The following LIMA1 variants were observed in gnomAD, a reference collection of about 807,000 sequenced individuals.
LIMA1 encodes the protein LIM domain and actin-binding protein 1.
LIMA1 carries 52 observed loss-of-function variants against 62.6 expected under a neutral mutation model. That is an observed-to-expected ratio of 0.83 (90% CI 0.67 to 1.05). The LOEUF (loss-of-function observed/expected upper bound fraction) is 1.05. Among genes scored for constraint, LIMA1 ranks in the 50% least tolerant of loss-of-function variants. LIMA1 has a pLI of 0.00. For synonymous variants in LIMA1, 302 were observed against 317.8 expected, an observed-to-expected ratio of 0.95 and a Z score of 0.53; for missense variants, 780 against 902.2, an observed-to-expected ratio of 0.86 and a Z score of 1.74.
chr12:50,262,960 T>C (rs1942090000), intron 1 of LIMA1, among the ~76,000 whole-genome samples: 1 of 152,260 alleles, frequency 6.6e-6, no homozygotes, highest in African/African-American at 2.4e-5. Flanking sequence ...ATGGCTGCTC[T>C]TTAAAAGTAC....
chr12:50,195,976 A>C (rs1940922495), intron 7 of LIMA1, 89 bp from the exon 8 acceptor site: 1 of 1,342,098 alleles, frequency 7.5e-7, no homozygotes, highest in African/African-American at 1.5e-5. Context: ...TGCCATAAAA[A>C]CCTGCTGACT....
chr12:50,178,966 A>ATTTTTT (rs1555203081), intron 10 of LIMA1, among the ~76,000 whole-genome samples: 13,639 of 128,624 alleles, frequency 0.11, 835 homozygotes, highest in East Asian at 0.27. Flanking sequence ...ATATATATAT[A>ATTTTTT]TTTTTTTTTT....
At chr12:50,258,539 C>G (rs1942026700) in intron 1 of LIMA1, among the ~76,000 whole-genome samples, 2 of 151,962 alleles carry the variant, frequency 1.3e-5, no homozygotes, top group Non-Finnish European at 2.9e-5. Flanking sequence ...CTAAGTGATC[C>G]TCACGCCTCA....
At chr12:50,224,132 A>G (rs1420195100) in intron 3 of LIMA1, 2 of 152,166 alleles carry the variant, frequency 1.3e-5, no homozygotes, top group East Asian at 1.9e-4. Context: ...TTCCCAACAA[A>G]CTGCAAACTC....
chr12:50,265,317 T>C (rs996323889), intron 1 of LIMA1, among the ~76,000 whole-genome samples: 4 of 152,040 alleles, frequency 2.6e-5, no homozygotes, highest in African/African-American at 7.2e-5. Context: ...GGTCAGGAGT[T>C]CGAGACCAGT....
At chr12:50,261,441 T>C (rs1225606284) in intron 1 of LIMA1, among the ~76,000 whole-genome samples, 1 of 152,086 alleles carries the variant, frequency 6.6e-6, no homozygotes, top group Non-Finnish European at 1.5e-5. Context: ...CTCACATCTT[T>C]AGGTATGCTC....
chr12:50,241,250 T>C lies in LIMA1; in HGVS notation c.119+7383A>G, dbSNP rs539238328. On this transcript the variant is annotated intron_variant, in intron 2 of 10. Coordinates refer to ENST00000341247, the MANE Select transcript of LIMA1 (RefSeq NM_016357.5). ...GAGAATTCAGGGATACAGTGGATTGTAGCTATTATAAAAAGGAACTTAGAA... is the reference window on the plus strand; with the variant it reads ...GAGAATTCAGGGATACAGTGGATTGCAGCTATTATAAAAAGGAACTTAGAA... 3.9e-5 allele frequency among the ~76,000 whole-genome samples: 6 copies of C among 152,306 alleles called. No individual in the cohort carries two copies. The South Asian group carries it at 6.2e-4, about 16-fold the overall frequency.
intron 1 of LIMA1, among the ~76,000 whole-genome samples, chr12:50,260,140 A>G (rs563912065): frequency 2.7e-5 from 4 of 149,652 alleles, no homozygotes; most frequent in Admixed American, 1.3e-4. Flanking sequence ...TTCCACTCCT[A>G]GAGTTTCTTT....
At chr12:50,223,814 G>A (rs1941486753) in intron 3 of LIMA1, among the ~76,000 whole-genome samples, 2 of 152,160 alleles carry the variant, frequency 1.3e-5, no homozygotes, top group African/African-American at 4.8e-5. Context: ...GAGGCGGGTG[G>A]ATCACCTGAG....
intron 4 of LIMA1, 146 bp from the exon 5 acceptor site, chr12:50,206,214 T>A (rs1375285099): frequency 1.8e-6 from 1 of 566,328 alleles, no homozygotes; most frequent in Non-Finnish European, 3.0e-6. Flanking sequence ...ATTACAAATA[T>A]CAAGCACTAC....
At chr12:50,265,008 C>T (rs1941661268) in intron 1 of LIMA1, among the ~76,000 whole-genome samples, 1 of 151,746 alleles carries the variant, frequency 6.6e-6, no homozygotes, top group Admixed American at 6.6e-5. Flanking sequence ...TAATAATTAG[C>T]CGGGTGTGGT....
intron 10 of LIMA1, among the ~76,000 whole-genome samples, chr12:50,179,304 G>C (rs537565424): frequency 6.6e-6 from 1 of 151,894 alleles, no homozygotes; most frequent in Non-Finnish European, 1.5e-5. Context: ...ACCATGCACG[G>C]CAAATTTTTG....
chr12:50,263,579 A>T (rs927373180), intron 1 of LIMA1, among the ~76,000 whole-genome samples: 1 of 152,126 alleles, frequency 6.6e-6, no homozygotes, highest in African/African-American at 2.4e-5. Context: ...GTATGTGTAT[A>T]AACTGAGTAG....
intron 8 of LIMA1, chr12:50,195,485 T>C (rs1940908282): frequency 5.5e-6 from 1 of 180,956 alleles, no homozygotes; most frequent in Non-Finnish European, 1.1e-5. Flanking sequence ...TGAATAACAT[T>C]ATAAATGAAT....
intron 9 of LIMA1, among the ~76,000 whole-genome samples, chr12:50,185,005 T>C (rs746255195): frequency 6.6e-6 from 1 of 152,092 alleles, no homozygotes. Flanking sequence ...CTAATTTTTG[T>C]ATTTTTAGTA....
At chr12:50,257,304 G>T (rs1360329769) in intron 1 of LIMA1, among the ~76,000 whole-genome samples, 1 of 152,086 alleles carries the variant, frequency 6.6e-6, no homozygotes. Context: ...TCCCTATGTT[G>T]TCCAGGCTGG....
intron 10 of LIMA1, among the ~76,000 whole-genome samples, chr12:50,180,579 C>G (rs1565826105): frequency 6.6e-6 from 1 of 152,154 alleles, no homozygotes; most frequent in Non-Finnish European, 1.5e-5. Flanking sequence ...GCTAGGATTA[C>G]AGGTGTGATC....
chr12:50,203,130 C>T (rs1941085785), intron 6 of LIMA1, among the ~76,000 whole-genome samples: 1 of 151,382 alleles, frequency 6.6e-6, no homozygotes, highest in Admixed American at 6.6e-5. Flanking sequence ...CTGCCTCAGC[C>T]TCCCTAGTAG....
intron 7 of LIMA1, among the ~76,000 whole-genome samples, chr12:50,196,762 G>A (rs1940938663): frequency 6.6e-6 from 1 of 152,170 alleles, no homozygotes; most frequent in Non-Finnish European, 1.5e-5. Context: ...TTAAGCTGCT[G>A]GCTGACTGCA....
Sources: gnomAD v4.1 joint callset for allele counts (sites outside exome capture counted in the v4.1 genomes callset) on GRCh38, gnomAD v4.1.1 for gene constraint, MANE v1.5 for transcripts, NCBI Gene and HGNC (gene_info 2026-07-23, HGNC 2026-07-21) for gene names.